The following PRKCB variants were observed in gnomAD, a reference collection of about 807,000 sequenced individuals.
The protein encoded by PRKCB is protein kinase C beta.
PRKCB carries 13 observed loss-of-function variants against 81.5 expected under a neutral mutation model. The ratio of observed to expected loss-of-function variants is 0.16; its 90% confidence interval spans 0.10 to 0.25. PRKCB has a LOEUF of 0.25. Ranked by LOEUF, PRKCB falls within the 10% of genes least tolerant of loss-of-function variation. PRKCB has a pLI of 1.00. For synonymous variants in PRKCB, 335 were observed against 321.4 expected, an observed-to-expected ratio of 1.04 and a Z score of -0.45; for missense variants, 509 against 875.7, an observed-to-expected ratio of 0.58 and a Z score of 5.29.
At chr16:24,123,802 T>C in intron 8 of PRKCB, 33 bp from the exon 9 acceptor site, 1 of 1,611,190 alleles carries the variant, frequency 6.2e-7, no homozygotes, top group South Asian at 1.1e-5. Flanking sequence ...CCTCAAACCC[T>C]GAGCATGTTT....
At chr16:24,123,385 C>T (rs554269169) in intron 8 of PRKCB, among the ~76,000 whole-genome samples, 30 of 152,222 alleles carry the variant, frequency 2.0e-4, no homozygotes, top group African/African-American at 6.3e-4. Flanking sequence ...GGCCTAAACA[C>T]ACAAGTCCAT....
chr16:24,179,263 G>GCCATGTTACATGGAAGCCATGTTACAC (rs1967582325), intron 12 of PRKCB, among the ~76,000 whole-genome samples: 1 of 152,230 alleles, frequency 6.6e-6, no homozygotes, highest in South Asian at 2.1e-4. Flanking sequence ...CACTGCTGGA[G>GCCATGTTACATGGAAGCCATGTTACAC]CCATGTTACA....
At chr16:24,016,240 A>G (rs1304961972) in intron 3 of PRKCB, among the ~76,000 whole-genome samples, 13 of 152,166 alleles carry the variant, frequency 8.5e-5, no homozygotes, top group Non-Finnish European at 1.5e-4. Context: ...TTGAGAATAC[A>G]GTATTCCCCA....
intron 2 of PRKCB, among the ~76,000 whole-genome samples, chr16:23,956,646 A>G (rs975813525): frequency 3.9e-5 from 6 of 152,196 alleles, no homozygotes; most frequent in African/African-American, 1.4e-4. Context: ...TGTTGTGCCA[A>G]TTTATGCACC....
chr16:24,207,764 C>T (rs570626925), intron 16 of PRKCB, among the ~76,000 whole-genome samples: 5 of 152,102 alleles, frequency 3.3e-5, no homozygotes, highest in African/African-American at 1.2e-4. Flanking sequence ...GGGAAAACCT[C>T]GTGGAGGAAG....
At chr16:24,116,980 C>T (rs1425688654) in intron 8 of PRKCB, among the ~76,000 whole-genome samples, 5 of 151,590 alleles carry the variant, frequency 3.3e-5, no homozygotes, top group Middle Eastern at 6.8e-3. Context: ...CTGTTTTATC[C>T]GCATGCAAGA....
At chr16:24,167,235 T>C (rs763379506) in intron 10 of PRKCB, among the ~76,000 whole-genome samples, 5 of 152,108 alleles carry the variant, frequency 3.3e-5, no homozygotes, top group Non-Finnish European at 7.4e-5. Flanking sequence ...TGTGACCTTT[T>C]GGCAAATCTC....
At chr16:24,126,916 T>C (rs371831273) in intron 9 of PRKCB, among the ~76,000 whole-genome samples, 2 of 151,724 alleles carry the variant, frequency 1.3e-5, no homozygotes, top group South Asian at 4.2e-4. Flanking sequence ...CAAGCAATCA[T>C]CCTGCCGTGG....
At chr16:24,143,798 A>T (rs1020173229) in intron 9 of PRKCB, among the ~76,000 whole-genome samples, 5 of 152,146 alleles carry the variant, frequency 3.3e-5, no homozygotes, top group African/African-American at 9.7e-5. Flanking sequence ...TCTATTTTAG[A>T]TGCACCATCT....
chr16:24,100,062 G>C (rs1013864767), intron 7 of PRKCB: 3 of 152,018 alleles, frequency 2.0e-5, no homozygotes, highest in Non-Finnish European at 2.9e-5. Flanking sequence ...TGCCTGGCCT[G>C]GCGTTAGTCC....
At chr16:23,854,016 TG>T (rs1373479788) in intron 2 of PRKCB, among the ~76,000 whole-genome samples, 2 of 131,254 alleles carry the variant, frequency 1.5e-5, no homozygotes, top group African/African-American at 2.7e-5. Context: ...ACAGGGGAAC[TG>T]CCCTTTATAA....
intron 5 of PRKCB, among the ~76,000 whole-genome samples, chr16:24,091,927 T>C (rs1397450639): frequency 4.6e-5 from 7 of 152,348 alleles, no homozygotes; most frequent in African/African-American, 1.7e-4. Flanking sequence ...GTGCTGGTTA[T>C]GGGTGATACA....
chr16:24,055,729 T>C (rs1248970250), intron 5 of PRKCB, among the ~76,000 whole-genome samples: 1 of 152,244 alleles, frequency 6.6e-6, no homozygotes, highest in African/African-American at 2.4e-5. Flanking sequence ...GGCATATCCA[T>C]AAAGAGCCAG....
At chr16:23,969,302 G>T (rs1043378261) in intron 2 of PRKCB, among the ~76,000 whole-genome samples, 1 of 152,150 alleles carries the variant, frequency 6.6e-6, no homozygotes, top group African/African-American at 2.4e-5. Context: ...CCAAGTAGGT[G>T]GACACTGTGG....
intron 2 of PRKCB, among the ~76,000 whole-genome samples, chr16:23,867,116 C>T (rs1259893633): frequency 6.9e-6 from 1 of 144,320 alleles, no homozygotes; most frequent in African/African-American, 2.6e-5. Flanking sequence ...TTTCTTTCTT[C>T]ATTTCCTTTC....
chr16:23,994,292 G>C (rs1237244477), intron 3 of PRKCB, among the ~76,000 whole-genome samples: 2 of 152,140 alleles, frequency 1.3e-5, no homozygotes, highest in Non-Finnish European at 2.9e-5. Flanking sequence ...TCTTACAGTG[G>C]ATCCAGTGAG....
chr16:23,926,639 G>T (rs902094809), intron 2 of PRKCB, among the ~76,000 whole-genome samples: 2 of 150,298 alleles, frequency 1.3e-5, no homozygotes, highest in African/African-American at 4.9e-5. Context: ...TGGTATGTGT[G>T]TCTATATACA....
intron 7 of PRKCB, among the ~76,000 whole-genome samples, chr16:24,102,546 GC>G (rs750884362): frequency 2.0e-5 from 3 of 152,202 alleles, no homozygotes; most frequent in African/African-American, 2.4e-5. Context: ...GGCAGAAACA[GC>G]AGATGCAGCT....
chr16:24,113,055 C>T lies in PRKCB; in HGVS notation c.904C>T (p.Arg302Trp), dbSNP rs536939564. The T allele has an allele frequency of 6.2e-6, 10 of 1,610,250 alleles. No individual in the cohort carries two copies. The highest frequency in any genetic ancestry group is 8.5e-6 in the Non-Finnish European group (10 of 1,178,174). Residue 302 changes from arginine (R) to tryptophan (W), a missense_variant, in exon 8 of 17, where the codon CGG (arginine) becomes TGG (tryptophan). Around this residue, in one of 6 missense-constraint regions of PRKCB, gnomAD observed 80 missense variants for 89.4 expected, o/e 0.90. Coordinates refer to ENST00000643927, the MANE Select transcript of PRKCB (RefSeq NM_002738.7). ...PEGSEANEEL[R>W]QKFERAKISQ... Reference sequence around the variant, plus strand: ...AGGAAGTGAGGCCAATGAAGAACTGCGGCAGAAATTTGAGGTGAGGTTTCT... The same window carrying T: ...AGGAAGTGAGGCCAATGAAGAACTGTGGCAGAAATTTGAGGTGAGGTTTCT...
Sources: allele counts gnomAD v4.1 joint callset (sites outside exome capture counted in the v4.1 genomes callset), GRCh38; gene constraint gnomAD v4.1.1; regional missense constraint gnomAD v4.1.1; transcripts MANE v1.5; gene names NCBI Gene and HGNC (gene_info 2026-07-23, HGNC 2026-07-21).